MGAT4C: variants seen among roughly 807,000 people sequenced by gnomAD.
MGAT4C encodes the protein alpha-1,3-mannosyl-glycoprotein 4-beta-N-acetylglucosaminyltransferase C.
In MGAT4C, 19 loss-of-function variants were observed where a neutral mutation model predicts 40.1. The ratio of observed to expected loss-of-function variants is 0.47; its 90% confidence interval spans 0.33 to 0.70. MGAT4C has a LOEUF of 0.70. Ranked by LOEUF, MGAT4C falls within the 30% of genes least tolerant of loss-of-function variation. MGAT4C has a pLI of 0.02. For synonymous variants in MGAT4C, 181 were observed against 187.1 expected, an observed-to-expected ratio of 0.97 and a Z score of 0.27; for missense variants, 491 against 563.2, an observed-to-expected ratio of 0.87 and a Z score of 1.30.
intron 2 of MGAT4C, among the ~76,000 whole-genome samples, chr12:86,450,646 G>A (rs1013530504): frequency 2.6e-5 from 4 of 151,854 alleles, no homozygotes; most frequent in African/African-American, 9.7e-5. Flanking sequence ...TTACATTTGG[G>A]CTTAAGATCC....
At chr12:86,669,333 C>T (rs568868030) in intron 2 of MGAT4C, among the ~76,000 whole-genome samples, 1 of 152,300 alleles carries the variant, frequency 6.6e-6, no homozygotes, top group South Asian at 2.1e-4. Flanking sequence ...GGGGCCCTCT[C>T]TGTCATAAGC....
chr12:86,262,174 G>T (rs138305125), intron 4 of MGAT4C, among the ~76,000 whole-genome samples: 4 of 152,120 alleles, frequency 2.6e-5, no homozygotes, highest in African/African-American at 9.6e-5. Flanking sequence ...ACAAGTTTCA[G>T]TCCCATTTCT....
At chr12:86,687,660 T>G (rs942543847) in intron 2 of MGAT4C, among the ~76,000 whole-genome samples, 2 of 152,236 alleles carry the variant, frequency 1.3e-5, no homozygotes, top group Non-Finnish European at 2.9e-5. Context: ...AGTGAGTTTC[T>G]TAATACTGAG....
At chr12:86,642,008 C>G (rs1482860330) in intron 2 of MGAT4C, among the ~76,000 whole-genome samples, 1 of 151,658 alleles carries the variant, frequency 6.6e-6, no homozygotes, top group Non-Finnish European at 1.5e-5. Flanking sequence ...ATGTTTGAGT[C>G]AGGAGGACCA....
chr12:86,830,716 GAAACAAACAAACAAACAAACAAAC>G (rs3050182), intron 1 of MGAT4C, among the ~76,000 whole-genome samples: 41 of 149,714 alleles, frequency 2.7e-4, no homozygotes, highest in Non-Finnish European at 4.9e-4. Context: ...GGCTCCTAAT[GAAACAAACAAACAAACAAACAAAC>G]AAACAAACAA....
rs191604400 is a variant in MGAT4C, at chr12:86,371,678, T to C, written c.-119-37551A>G. On this transcript the variant is annotated intron_variant, in intron 3 of 7. Coordinates refer to the MGAT4C transcript ENST00000548651. ...CTTTTCTCTTTGAATGAAATTACTT[T>C]TATAATTTCTAGACTGTGTTTCACT... Among the ~76,000 whole-genome samples, 1,113 of 152,204 alleles carry C rather than the reference T, an allele frequency of 7.3e-3. 7 individuals are homozygous for C. The highest frequency in any genetic ancestry group is 0.012 in the Non-Finnish European group (810 of 67,934).
chr12:86,635,074 A>G (rs1489818924), intron 2 of MGAT4C, among the ~76,000 whole-genome samples: 1 of 152,048 alleles, frequency 6.6e-6, no homozygotes, highest in African/African-American at 2.4e-5. Flanking sequence ...TGTGCCTCCT[A>G]TTGCTTTATG....
intron 2 of MGAT4C, among the ~76,000 whole-genome samples, chr12:86,676,643 T>G (rs1318185320): frequency 6.6e-6 from 1 of 152,104 alleles, no homozygotes; most frequent in Non-Finnish European, 1.5e-5. Context: ...AGGTAACCTG[T>G]GTAGATGAGT....
At chr12:85,992,319 C>A (rs780449652) in intron 2 of MGAT4C, among the ~76,000 whole-genome samples, 2 of 152,124 alleles carry the variant, frequency 1.3e-5, no homozygotes, top group Non-Finnish European at 2.9e-5. Flanking sequence ...TCCTTTCATG[C>A]ATATCTAGCT....
At chr12:86,204,209 T>C (rs1004911077) in intron 1 of MGAT4C, among the ~76,000 whole-genome samples, 1 of 151,708 alleles carries the variant, frequency 6.6e-6, no homozygotes, top group African/African-American at 2.4e-5. Flanking sequence ...AGATGGGATA[T>C]TTGATCACAA....
At chr12:86,304,511 A>G (rs1436837311) in intron 4 of MGAT4C, among the ~76,000 whole-genome samples, 3 of 150,734 alleles carry the variant, frequency 2.0e-5, no homozygotes, top group Non-Finnish European at 4.4e-5. Flanking sequence ...AATATATTTA[A>G]GAAGAAATGA....
intron 1 of MGAT4C, among the ~76,000 whole-genome samples, chr12:86,097,864 T>C (rs1874232425): frequency 6.6e-6 from 1 of 151,672 alleles, no homozygotes; most frequent in African/African-American, 2.4e-5. Flanking sequence ...TATATGCTAC[T>C]ACTGCATCTT....
intron 2 of MGAT4C, among the ~76,000 whole-genome samples, chr12:86,538,183 G>A (rs975006408): frequency 7.2e-5 from 11 of 152,218 alleles, no homozygotes; most frequent in Admixed American, 3.9e-4. Context: ...GAGATGAGAA[G>A]GCACATGAGG....
At chr12:86,098,362 G>A (rs1450280610) in intron 1 of MGAT4C, among the ~76,000 whole-genome samples, 1 of 151,346 alleles carries the variant, frequency 6.6e-6, no homozygotes, top group Non-Finnish European at 1.5e-5. Context: ...GAAATGATTT[G>A]GCCACATACT....
chr12:86,431,044 G>T (rs559830728), intron 3 of MGAT4C, among the ~76,000 whole-genome samples: 223 of 152,306 alleles, frequency 1.5e-3, no homozygotes, highest in South Asian at 3.3e-3. Context: ...TCTTCAAAAA[G>T]GGAGGAGATT....
chr12:86,798,227 TA>T (rs1465863500), intron 1 of MGAT4C, among the ~76,000 whole-genome samples: 1 of 151,974 alleles, frequency 6.6e-6, no homozygotes, highest in African/African-American at 2.4e-5. Flanking sequence ...ATATACTGCT[TA>T]CATTCACCAT....
intron 4 of MGAT4C, among the ~76,000 whole-genome samples, chr12:86,301,922 G>A (rs975827316): frequency 1.4e-5 from 2 of 141,212 alleles, no homozygotes; most frequent in African/African-American, 6.2e-5. Flanking sequence ...GGATTCACAA[G>A]AATATCTGCC....
intron 2 of MGAT4C, among the ~76,000 whole-genome samples, chr12:86,009,944 A>T (rs1888290366): frequency 6.6e-6 from 1 of 152,178 alleles, no homozygotes; most frequent in Non-Finnish European, 1.5e-5. Context: ...GTGGTATCAC[A>T]TATGTCTTGG....
intron 2 of MGAT4C, among the ~76,000 whole-genome samples, chr12:86,695,282 G>A (rs562124476): frequency 2.6e-5 from 4 of 152,226 alleles, no homozygotes; most frequent in Middle Eastern, 6.8e-3. Flanking sequence ...ATGCTGTCGA[G>A]GAAATAGATA....
Sources: allele counts gnomAD v4.1 joint callset (sites outside exome capture counted in the v4.1 genomes callset), GRCh38; gene constraint gnomAD v4.1.1; transcripts MANE v1.5; gene names NCBI Gene and HGNC (gene_info 2026-07-23, HGNC 2026-07-21).